Variants in SCN3A observed in about 807,000 individuals in gnomAD.
SCN3A encodes the protein sodium channel protein type 3 subunit alpha.
In SCN3A, 60 loss-of-function variants were observed where a neutral mutation model predicts 187.6. That is an observed-to-expected ratio of 0.32 (90% CI 0.26 to 0.40). The LOEUF (loss-of-function observed/expected upper bound fraction) is 0.40, where lower values mean the gene tolerates loss of function less well. Ranked by LOEUF, SCN3A falls within the 10% of genes least tolerant of loss-of-function variation. The probability of loss-of-function intolerance (pLI) is 1.00; values close to 1 mark genes in which losing one functional copy is unlikely to be tolerated. For missense variants in SCN3A, 1,601 were observed against 2,428.2 expected (o/e 0.66, Z 7.16); for synonymous variants, 788 against 829.2 (o/e 0.95, Z 0.85).
At position 165,096,454 on chromosome 2, in the gene SCN3A, G is replaced by T. The variant is rs201033833; in HGVS notation, c.4293+13C>A. On this transcript the variant is annotated intron_variant, in intron 24 of 27. Transcript: ENST00000283254. The stretch of plus-strand genomic sequence containing the variant: ...AATCTAGAACCTATAAATAATATTT[G>T]AGTGATACTTACATCTCGTGAATCA... 1.3e-6 allele frequency: 2 copies of T among 1,599,990 alleles called. No individual in the cohort carries two copies. The highest frequency in any genetic ancestry group is 4.5e-5 in the East Asian group (2 of 44,660).
At chr2:165,197,312 T>C (rs1692025232) in intron 1 of SCN3A, among the ~76,000 whole-genome samples, 1 of 152,144 alleles carries the variant, frequency 6.6e-6, no homozygotes, top group African/African-American at 2.4e-5. Context: ...CTGTTATTTT[T>C]CTTTGTCTTT....
At chr2:165,203,681 C>A (rs969244331) in intron 1 of SCN3A, 142 bp downstream of exon 1, 1 of 152,002 alleles carries the variant, frequency 6.6e-6, no homozygotes, top group African/African-American at 2.4e-5. Context: ...GTTTACACAT[C>A]AAACGATGCC....
intron 11 of SCN3A, among the ~76,000 whole-genome samples, chr2:165,147,446 C>A (rs1462970403): frequency 6.6e-6 from 1 of 152,004 alleles, no homozygotes; most frequent in Non-Finnish European, 1.5e-5. Context: ...CGTATTTTTT[C>A]CCCTCTAAAT....
rs575392647 is a variant in SCN3A at position 165,125,571 on chromosome 2, C to T, written c.3393+2060G>A. 2.4e-4 allele frequency among the ~76,000 whole-genome samples: 37 copies of T among 152,280 alleles called. No individual in the cohort carries two copies. In the South Asian group the frequency reaches 7.4e-3, roughly 31 times the overall value. ...TGACCTCGTGATCCACTCGCCTCGG[C>T]CTCCCAAAGTGCTGGGATTACAGAC... On this transcript the variant is annotated intron_variant, in intron 18 of 27. Transcript: ENST00000283254.
intron 3 of SCN3A, among the ~76,000 whole-genome samples, chr2:165,172,151 A>G (rs1246044698): frequency 6.6e-6 from 1 of 152,156 alleles, no homozygotes; most frequent in Non-Finnish European, 1.5e-5. Context: ...GGTGCCAACC[A>G]TTACTTAACT....
chr2:165,200,880 C>A (rs545327576), intron 1 of SCN3A, among the ~76,000 whole-genome samples: 1 of 152,174 alleles, frequency 6.6e-6, no homozygotes, highest in East Asian at 1.9e-4. Context: ...GTCCATCAAC[C>A]ATTCATCAAG....
At chr2:165,096,010 C>T (rs1162386616) in intron 24 of SCN3A, among the ~76,000 whole-genome samples, 1 of 152,106 alleles carries the variant, frequency 6.6e-6, no homozygotes, top group Non-Finnish European at 1.5e-5. Flanking sequence ...AAGAGCAGAA[C>T]ATCAACTTCT....
At position 165,097,454 on chromosome 2, in the gene SCN3A, C is replaced by T; in HGVS notation, c.4037G>A (p.Trp1346Ter). 1 of 1,613,982 alleles carries T rather than the reference C, an allele frequency of 6.2e-7. No homozygotes were observed. The highest frequency in any genetic ancestry group is 8.5e-7 in the Non-Finnish European group (1 of 1,179,976). ...MNVLLVCLIF[W>*]LIFSIMGVNL... ...CACACCCATGATGCTAAAGATCAAC[C>T]AGAAGATGAGACAGACCAACAGCAC... Residue 1346 changes from tryptophan to a stop codon, truncating the protein, a stop_gained, in exon 23 of 28, where the codon TGG (tryptophan) becomes TAG (stop). Coordinates refer to ENST00000283254, the MANE Select transcript of SCN3A (RefSeq NM_006922.4). LOFTEE classifies it high-confidence loss of function.
At chr2:165,125,854 T>C (rs1282233792) in intron 18 of SCN3A, among the ~76,000 whole-genome samples, 1 of 152,204 alleles carries the variant, frequency 6.6e-6, no homozygotes, top group Non-Finnish European at 1.5e-5. Context: ...GAATTCTTAG[T>C]TTGTCAGAAT....
intron 12 of SCN3A, among the ~76,000 whole-genome samples, chr2:165,146,341 T>C (rs922826214): frequency 2.6e-5 from 4 of 151,242 alleles, no homozygotes; most frequent in African/African-American, 9.7e-5. Flanking sequence ...ATTCCAAAAC[T>C]CTCATTGAAA....
chr2:165,146,122 T>A (rs1688304955), intron 12 of SCN3A, among the ~76,000 whole-genome samples: 2 of 152,110 alleles, frequency 1.3e-5, no homozygotes. Context: ...TTCATTCTAA[T>A]GTATCACGGC....
chr2:165,174,656 A>C (rs1173598811), intron 3 of SCN3A, among the ~76,000 whole-genome samples: 1 of 152,186 alleles, frequency 6.6e-6, no homozygotes, highest in East Asian at 1.9e-4. Flanking sequence ...ATATCTTTAC[A>C]AACATATCCT....
At chr2:165,143,802 G>A (rs1442559590) in intron 12 of SCN3A, among the ~76,000 whole-genome samples, 1 of 152,046 alleles carries the variant, frequency 6.6e-6, no homozygotes, top group Non-Finnish European at 1.5e-5. Context: ...GAAGAAATTA[G>A]GTCTATAAGA....
At chr2:165,163,485 A>T in intron 7 of SCN3A, 133 bp downstream of exon 7, 1 of 1,107,952 alleles carries the variant, frequency 9.0e-7, no homozygotes, top group Admixed American at 2.0e-5. Flanking sequence ...CTAAACTGAC[A>T]TTGAAACATC....
At chr2:165,135,635 A>C (rs1250796646) in intron 15 of SCN3A, among the ~76,000 whole-genome samples, 2 of 152,050 alleles carry the variant, frequency 1.3e-5, no homozygotes, top group African/African-American at 4.8e-5. Context: ...ATATATATTA[A>C]ACATATGTAT....
At chr2:165,156,006 C>T (rs1039308664) in intron 9 of SCN3A, 103 bp from the exon 10 acceptor site, 33 of 1,385,362 alleles carry the variant, frequency 2.4e-5, no homozygotes, top group Middle Eastern at 1.8e-4. Context: ...CTATCTGTGA[C>T]GAATTATCTT....
intron 6 of SCN3A, chr2:165,163,995 T>C (rs548444875): frequency 2.0e-5 from 22 of 1,084,860 alleles, no homozygotes; most frequent in Admixed American, 1.4e-4. Context: ...GTTTAACAAA[T>C]GGAATTGCTA....
intron 1 of SCN3A, among the ~76,000 whole-genome samples, chr2:165,189,408 T>G (rs925041763): frequency 6.6e-6 from 1 of 152,190 alleles, no homozygotes; most frequent in Non-Finnish European, 1.5e-5. Flanking sequence ...ATTTATTGGA[T>G]CTGGAAATCC....
chr2:165,148,264 C>T (rs1688472866), intron 11 of SCN3A, among the ~76,000 whole-genome samples: 2 of 151,982 alleles, frequency 1.3e-5, no homozygotes, highest in Non-Finnish European at 2.9e-5. Flanking sequence ...TTCTGAAGAA[C>T]TTTATAGAAC....
Sources: gnomAD v4.1 joint callset for allele counts (sites outside exome capture counted in the v4.1 genomes callset) on GRCh38, gnomAD v4.1.1 for gene constraint, MANE v1.5 for transcripts, NCBI Gene and HGNC (gene_info 2026-07-23, HGNC 2026-07-21) for gene names.